The following STT3B variants were observed in gnomAD, a reference collection of about 807,000 sequenced individuals.
The protein encoded by STT3B is STT3 oligosaccharyltransferase complex catalytic subunit B, also known as dolichyl-diphosphooligosaccharide--protein glycosyltransferase subunit STT3B.
In STT3B, 29 loss-of-function variants were observed where a neutral mutation model predicts 96.8. The ratio of observed to expected loss-of-function variants is 0.30; its 90% CI spans 0.22 to 0.41. The LOEUF (loss-of-function observed/expected upper bound fraction) is 0.41. STT3B is among the 10% of genes least tolerant of loss of function. The pLI is 1.00. For synonymous variants in STT3B, 367 were observed against 360.0 expected, an observed-to-expected ratio of 1.02 and a Z score of -0.22; for missense variants, 640 against 1,022.3, an observed-to-expected ratio of 0.63 and a Z score of 5.10.
At chr3:31,577,952 G>C (rs1173124323) in intron 2 of STT3B, among the ~76,000 whole-genome samples, 1 of 152,092 alleles carries the variant, frequency 6.6e-6, no homozygotes, top group Non-Finnish European at 1.5e-5. Context: ...CTGATGTCCT[G>C]AGATTTGGGA....
intron 5 of STT3B, among the ~76,000 whole-genome samples, chr3:31,602,657 G>A (rs890880446): frequency 7.3e-6 from 1 of 136,114 alleles, no homozygotes; most frequent in Non-Finnish European, 1.5e-5. Flanking sequence ...TTTGGTAGCT[G>A]GGATTTTTTT....
intron 13 of STT3B, among the ~76,000 whole-genome samples, chr3:31,626,655 G>T (rs768280549): frequency 3.2e-4 from 49 of 152,118 alleles, no homozygotes; most frequent in Non-Finnish European, 6.3e-4. Context: ...AACATAATAT[G>T]CTTTGAGCAC....
chr3:31,569,931 TA>T (rs1177044497), intron 1 of STT3B, among the ~76,000 whole-genome samples: 1 of 152,006 alleles, frequency 6.6e-6, no homozygotes, highest in Non-Finnish European at 1.5e-5. Flanking sequence ...TTTATAAATA[TA>T]TGTATAGATA....
intron 1 of STT3B, among the ~76,000 whole-genome samples, chr3:31,560,734 A>G (rs1377967617): frequency 6.6e-6 from 1 of 152,048 alleles, no homozygotes; most frequent in East Asian, 1.9e-4. Context: ...TGTGGATAGA[A>G]CATTTTGCAT....
intron 15 of STT3B, among the ~76,000 whole-genome samples, chr3:31,633,681 A>G (rs1290621856): frequency 2.0e-5 from 3 of 151,790 alleles, no homozygotes; most frequent in African/African-American, 7.3e-5. Flanking sequence ...ATTCTTTTCT[A>G]ATATTATATA....
intron 1 of STT3B, among the ~76,000 whole-genome samples, chr3:31,572,699 A>G (rs982571296): frequency 6.6e-6 from 1 of 152,200 alleles, no homozygotes; most frequent in East Asian, 1.9e-4. Flanking sequence ...TCATCTCTAC[A>G]AAGCATAAAA....
At position 31,545,909 on chromosome 3, in the gene STT3B, G is replaced by A. The variant is rs556717622; in HGVS notation, c.314+12597G>A. Among the ~76,000 whole-genome samples the A allele has an allele frequency of 2.9e-4, 43 of 150,608 alleles. No individual in the cohort carries two copies. In the East Asian group the frequency reaches 8.0e-3, roughly 28 times the overall value. On this transcript the variant is annotated intron_variant, in intron 1 of 15. Transcript: ENST00000295770. Reference sequence around the variant, plus strand: ...TCTTCCACTGTGGCCCAGGGAAGCCGAAAGATTGGACACCCCTGCTGTGAA... The same window carrying A: ...TCTTCCACTGTGGCCCAGGGAAGCCAAAAGATTGGACACCCCTGCTGTGAA...
intron 3 of STT3B, among the ~76,000 whole-genome samples, chr3:31,593,201 C>T (rs1399962583): frequency 6.6e-6 from 1 of 152,126 alleles, no homozygotes; most frequent in Non-Finnish European, 1.5e-5. Context: ...CGGTTATTCC[C>T]ATTACTTTTA....
intron 1 of STT3B, among the ~76,000 whole-genome samples, chr3:31,539,533 T>C (rs1289096284): frequency 6.6e-6 from 1 of 152,164 alleles, no homozygotes; most frequent in Non-Finnish European, 1.5e-5. Flanking sequence ...CCAGCTTAAA[T>C]AAAAGTGTCC....
intron 5 of STT3B, among the ~76,000 whole-genome samples, chr3:31,600,829 C>T (rs570897020): frequency 1.3e-5 from 2 of 152,154 alleles, no homozygotes; most frequent in East Asian, 3.9e-4. Context: ...AATAAGCTTT[C>T]AGAAGCTCTT....
At chr3:31,572,535 G>T (rs1272870174) in intron 1 of STT3B, among the ~76,000 whole-genome samples, 5 of 152,076 alleles carry the variant, frequency 3.3e-5, no homozygotes, top group Admixed American at 6.6e-5. Flanking sequence ...TATTGACTAA[G>T]TGTTGTAAGT....
At chr3:31,543,509 A>G (rs1448873132) in intron 1 of STT3B, among the ~76,000 whole-genome samples, 2 of 152,238 alleles carry the variant, frequency 1.3e-5, no homozygotes, top group Admixed American at 6.5e-5. Context: ...TTTATCTTTA[A>G]TGGTAACCAC....
intron 1 of STT3B, among the ~76,000 whole-genome samples, chr3:31,548,665 A>G (rs1410333504): frequency 6.6e-6 from 1 of 152,002 alleles, no homozygotes; most frequent in Non-Finnish European, 1.5e-5. Context: ...TTCTCCTTGT[A>G]TTCTCTTCTT....
intron 3 of STT3B, among the ~76,000 whole-genome samples, chr3:31,583,193 A>G (rs1245040406): frequency 1.3e-5 from 2 of 151,882 alleles, no homozygotes; most frequent in Non-Finnish European, 2.9e-5. Context: ...TTTTCTTCCT[A>G]TATTTTGATG....
intron 10 of STT3B, 22 bp from the exon 11 acceptor site, chr3:31,623,652 C>T (rs1216431701): frequency 6.4e-7 from 1 of 1,556,094 alleles, no homozygotes; most frequent in Non-Finnish European, 8.7e-7. Flanking sequence ...ATTTGTCTAA[C>T]CAATTTTTTT....
At position 31,622,270 on chromosome 3, in the gene STT3B, G is replaced by A. The variant is rs758472135; in HGVS notation, c.1501G>A (p.Glu501Lys). 1 of 1,614,098 alleles carries A rather than the reference G, an allele frequency of 6.2e-7. No individual in the cohort carries two copies. The highest frequency in any genetic ancestry group is 8.5e-7 in the Non-Finnish European group (1 of 1,179,958). ...TCCACCTGTGGAGGACAGCAGTGAT[G>A]AGGATGACAAAAGAAACCAAGGAAA... The part of the protein sequence containing the change: ...ENPPVEDSSD[E>K]DDKRNQGNLY... Residue 501 changes from glutamate to lysine, a missense_variant, in exon 10 of 16, where the codon GAG becomes AAG. This residue lies in a region of STT3B where 149 missense variants were observed against 250.2 expected (regional missense o/e 0.60). Transcript: ENST00000295770.
chr3:31,619,977 G>A, intron 9 of STT3B, 147 bp downstream of exon 9: 1 of 1,502,734 alleles, frequency 6.7e-7, no homozygotes, highest in Non-Finnish European at 8.8e-7. Flanking sequence ...GCTTAACCAA[G>A]AAAAATTCAC....
At chr3:31,564,263 T>C (rs1697948086) in intron 1 of STT3B, among the ~76,000 whole-genome samples, 1 of 152,210 alleles carries the variant, frequency 6.6e-6, no homozygotes. Context: ...TGCTTTAAAA[T>C]TGGGTCATAT....
intron 5 of STT3B, among the ~76,000 whole-genome samples, chr3:31,602,187 C>T (rs1056414485): frequency 1.3e-5 from 2 of 152,008 alleles, no homozygotes; most frequent in Non-Finnish European, 2.9e-5. Context: ...GTGTGCCTCT[C>T]GTTTAAACAA....
Sources: allele counts gnomAD v4.1 joint callset (sites outside exome capture counted in the v4.1 genomes callset), GRCh38; gene constraint gnomAD v4.1.1; regional missense constraint gnomAD v4.1.1; transcripts MANE v1.5; gene names NCBI Gene and HGNC (gene_info 2026-07-23, HGNC 2026-07-21).